Variants in POT1 observed in about 807,000 individuals in gnomAD.
POT1 encodes the protein protection of telomeres protein 1.
POT1 carries 47 observed loss-of-function variants against 78.5 expected under a neutral mutation model. The observed-to-expected ratio is 0.60, with a 90% CI of 0.47 to 0.76. The LOEUF (loss-of-function observed/expected upper bound fraction) is 0.76, where lower values mean the gene tolerates loss of function less well. POT1 is among the 30% of genes least tolerant of loss of function. The pLI is 0.00. For synonymous variants in POT1, 259 were observed against 260.7 expected, an observed-to-expected ratio of 0.99 and a Z score of 0.06; for missense variants, 646 against 749.9, an observed-to-expected ratio of 0.86 and a Z score of 1.62.
chr7:124,914,557 C>G (rs890023953), intron 3 of POT1, among the ~76,000 whole-genome samples: 2 of 152,180 alleles, frequency 1.3e-5, no homozygotes, highest in Non-Finnish European at 2.9e-5. Context: ...AGCCCTGTAT[C>G]TGCAAGTTTT....
At position 124,870,935 on chromosome 7, in the gene POT1, A is replaced by G. The variant is rs1205715970; in HGVS notation, c.231T>C (p.Asp77=). 2.5e-6 allele frequency: 4 copies of G among 1,607,700 alleles called. No homozygotes were observed. The East Asian group carries it at 9.0e-5, about 36-fold the overall frequency. The stretch of plus-strand genomic sequence containing the variant: ...CCTTCAGCCTGTGAAAGCGAACAAT[A>G]TCTCCATTTTTATAAATTATTGGAA... ...EALPIIYKNG[D]IVRFHRLKIQ... Residue 77 remains aspartate, a synonymous_variant, in exon 7 of 19, where the codon GAT becomes GAC. Transcript: ENST00000357628.
At chr7:124,869,686 G>GA (rs1227920882) in intron 7 of POT1, among the ~76,000 whole-genome samples, 3 of 152,110 alleles carry the variant, frequency 2.0e-5, no homozygotes, top group Admixed American at 6.6e-5. Context: ...GGGTTCAAGC[G>GA]ATTCTCCTGC....
At chr7:124,837,800 A>G (rs1794932721) in intron 14 of POT1, among the ~76,000 whole-genome samples, 1 of 152,166 alleles carries the variant, frequency 6.6e-6, no homozygotes, top group Non-Finnish European at 1.5e-5. Context: ...ACATAAAAAA[A>G]TACTCAGAAA....
chr7:124,839,200 T>A (rs1215133428), intron 14 of POT1, among the ~76,000 whole-genome samples: 1 of 152,168 alleles, frequency 6.6e-6, no homozygotes, highest in Non-Finnish European at 1.5e-5. Flanking sequence ...AGGAACAGTC[T>A]TTTTAAGAAA....
Position 124,916,679 on chromosome 7 carries a change from T to C in POT1, c.-226-1033A>G, listed in dbSNP as rs145732610. ...AATAAAATTTTTATAGCAACTTGCT[T>C]ACCTAAGGTAAATGACAAATGTTCC... On this transcript the variant is annotated intron_variant, in intron 2 of 18. Coordinates refer to ENST00000357628, the MANE Select transcript of POT1 (RefSeq NM_015450.3). Among the ~76,000 whole-genome samples the C allele has an allele frequency of 5.1e-3, 774 of 152,302 alleles. 9 individuals carry two copies. The highest frequency in any genetic ancestry group is 0.017 in the African/African-American group (711 of 41,560).
At chr7:124,863,080 T>C (rs1252553438) in intron 8 of POT1, among the ~76,000 whole-genome samples, 4 of 152,140 alleles carry the variant, frequency 2.6e-5, no homozygotes, top group Admixed American at 2.0e-4. Flanking sequence ...CTACATCTTA[T>C]TACTACTAAA....
At chr7:124,843,051 T>G (rs878941349) in intron 12 of POT1, 88 bp from the exon 13 acceptor site, 1 of 922,524 alleles carries the variant, frequency 1.1e-6, no homozygotes, top group Admixed American at 3.5e-5. Context: ...CTATAAAATC[T>G]AATTAATTTA....
intron 12 of POT1, 57 bp downstream of exon 12, chr7:124,846,885 G>A: frequency 1.6e-6 from 2 of 1,244,330 alleles, no homozygotes; most frequent in South Asian, 2.5e-5. Flanking sequence ...TAAGTGTAGA[G>A]GCAGACTTTA....
intron 2 of POT1, among the ~76,000 whole-genome samples, chr7:124,919,377 TTAGTA>T (rs1797092712): frequency 6.6e-6 from 1 of 152,114 alleles, no homozygotes; most frequent in Non-Finnish European, 1.5e-5. Context: ...CAAAAATGAA[TTAGTA>T]TAGATATAAA....
Position 124,929,811 on chromosome 7 carries a change from C to A in POT1, c.-429G>T, listed in dbSNP as rs1448969432. ...TCACTCACCCGTACTCTAGAAAGAA[C>A]CCTAGGAAGAGTTTAGGCGGGCGCG... On this transcript the variant is annotated 5_prime_UTR_variant, in exon 1 of 19. Coordinates refer to ENST00000357628, the MANE Select transcript of POT1 (RefSeq NM_015450.3). 5.3e-5 allele frequency: 8 copies of A among 152,268 alleles called. No individual in the cohort carries two copies. Among genetic ancestry groups the A allele is most frequent in the African/African-American group, 1.9e-4 (8 of 41,456 alleles). The allele number at this position is 152,268 out of a possible 1,614,324, so 9.4% of individuals were successfully genotyped here. A position where few individuals can be genotyped will look rare whatever the true frequency, so the allele number is the denominator to read the frequency against.
Position 124,865,553 on chromosome 7 carries a change from T to C in POT1, c.256-1913A>G, listed in dbSNP as rs776879277. 3.9e-5 allele frequency among the ~76,000 whole-genome samples: 6 copies of C among 152,076 alleles called. No homozygotes were observed. The East Asian group carries it at 7.7e-4, about 20-fold the overall frequency. ...GATCTATTTAGCCCATCCATTAGAT[T>C]TTTCATTTGTTCTTTTCAGTTCCTG... On this transcript the variant is annotated intron_variant, in intron 7 of 18. Transcript: ENST00000357628.
chr7:124,870,642 G>A lies in POT1; in HGVS notation c.255+269C>T, dbSNP rs540352405. ...GATAAAACTTCTATAGCATTAGTCTGTATTTAGAAACAGAAGACAGAATGG... is the reference window on the plus strand; with the variant it reads ...GATAAAACTTCTATAGCATTAGTCTATATTTAGAAACAGAAGACAGAATGG... On this transcript the variant is annotated intron_variant, in intron 7 of 18. Transcript: ENST00000357628. Among the ~76,000 whole-genome samples the A allele has an allele frequency of 3.5e-4, 53 of 152,194 alleles. No homozygotes were observed. In the East Asian group the frequency reaches 8.7e-3, roughly 25 times the overall value.
chr7:124,866,960 A>G (rs137948959), intron 7 of POT1, among the ~76,000 whole-genome samples: 1 of 152,144 alleles, frequency 6.6e-6, no homozygotes, highest in African/African-American at 2.4e-5. Context: ...CTTCTCTTTT[A>G]TACTCCAATG....
intron 3 of POT1, chr7:124,900,883 C>A: frequency 1.1e-5 from 4 of 350,000 alleles, no homozygotes; most frequent in South Asian, 9.0e-5. Flanking sequence ...CCCATGCCCA[C>A]AGAGTTTTGC....
Position 124,853,036 on chromosome 7 carries a change from T to C in POT1, c.805A>G (p.Thr269Ala), listed in dbSNP as rs1428019370. The change falls in exon 10 of 19, where the codon ACC (threonine) becomes GCC (alanine). Residue 269 changes from threonine (T) to alanine (A), a missense_variant. By Grantham distance (58) the Thr-to-Ala change is moderately conservative. Coordinates refer to ENST00000357628, the MANE Select transcript of POT1 (RefSeq NM_015450.3). ...ACCCTGATTCCCCGACCGTAACTGG[T>C]ACCTCCATGAAGATGAAACTCTAAA... ...LSLEFHLHGG[T>A]SYGRGIRVLP... 1.2e-6 allele frequency: 2 copies of C among 1,613,278 alleles called. No homozygotes were observed. The highest frequency in any genetic ancestry group is 1.3e-5 in the African/African-American group (1 of 74,922).
At chr7:124,904,329 G>A (rs529658589) in intron 3 of POT1, among the ~76,000 whole-genome samples, 15 of 152,236 alleles carry the variant, frequency 9.9e-5, no homozygotes, top group African/African-American at 3.6e-4. Context: ...TGGGATCCAA[G>A]GCTGGTTCAA....
At chr7:124,889,479 C>T (rs989374826) in intron 6 of POT1, among the ~76,000 whole-genome samples, 4 of 151,994 alleles carry the variant, frequency 2.6e-5, no homozygotes, top group African/African-American at 4.8e-5. Context: ...AGATCATCAA[C>T]GAAGGTGGCT....
At chr7:124,900,932 C>G (rs915597846) in intron 3 of POT1, 16 of 234,850 alleles carry the variant, frequency 6.8e-5, no homozygotes, top group African/African-American at 3.0e-4. Flanking sequence ...AACTGTGAGG[C>G]TGCAGCGAGT....
intron 6 of POT1, among the ~76,000 whole-genome samples, chr7:124,891,761 ATTTAAC>A (rs1180267924): frequency 6.6e-6 from 1 of 150,992 alleles, no homozygotes; most frequent in Non-Finnish European, 1.5e-5. Flanking sequence ...TAACCTGACA[ATTTAAC>A]TTTAATTGCA....
Sources: allele counts gnomAD v4.1 joint callset (sites outside exome capture counted in the v4.1 genomes callset), GRCh38; gene constraint gnomAD v4.1.1; transcripts MANE v1.5; gene names NCBI Gene and HGNC (gene_info 2026-07-23, HGNC 2026-07-21).